CCDC7: variants seen among roughly 807,000 people sequenced by gnomAD.
The protein encoded by CCDC7 is coiled-coil domain-containing protein 7.
In CCDC7, 183 loss-of-function variants were observed where a neutral mutation model predicts 196.9. That is an observed-to-expected ratio of 0.93 (90% CI 0.82 to 1.05). CCDC7 has a LOEUF of 1.05. Among genes scored for constraint, CCDC7 ranks in the 50% least tolerant of loss-of-function variants. The probability of loss-of-function intolerance (pLI) is 0.00; values close to 1 mark genes in which losing one functional copy is unlikely to be tolerated. For missense variants in CCDC7, 1,540 were observed against 1,482.2 expected, an observed-to-expected ratio of 1.04 and a Z score of -0.64; for synonymous variants, 525 against 484.6, an observed-to-expected ratio of 1.08 and a Z score of -1.10.
At chr10:32,505,980 A>G (rs1317858973) in intron 9 of CCDC7, among the ~76,000 whole-genome samples, 1 of 146,956 alleles carries the variant, frequency 6.8e-6, no homozygotes, top group East Asian at 2.1e-4. Flanking sequence ...GGCGCTCCTC[A>G]CTTCCCAGAC....
chr10:32,534,907 G>C (rs1206062796), intron 11 of CCDC7, among the ~76,000 whole-genome samples: 2 of 151,842 alleles, frequency 1.3e-5, no homozygotes, highest in Non-Finnish European at 2.9e-5. Flanking sequence ...GCTTCCTGAG[G>C]GTTAAAGCAA....
chr10:32,654,183 G>A (rs2069323223), intron 20 of CCDC7, among the ~76,000 whole-genome samples: 1 of 152,072 alleles, frequency 6.6e-6, no homozygotes, highest in Admixed American at 6.6e-5. Context: ...TTTATATCAT[G>A]CTATTGATTT....
intron 30 of CCDC7, among the ~76,000 whole-genome samples, chr10:32,813,369 A>G (rs1460676013): frequency 2.6e-5 from 4 of 152,228 alleles, no homozygotes; most frequent in Non-Finnish European, 5.9e-5. Flanking sequence ...AACGGATCCA[A>G]TAACAATTCT....
chr10:32,734,810 T>C (rs868417988), intron 28 of CCDC7, among the ~76,000 whole-genome samples: 104 of 152,044 alleles, frequency 6.8e-4, no homozygotes, highest in African/African-American at 2.2e-3. Flanking sequence ...GGCAGGAGAA[T>C]TGCTTGAACC....
At chr10:32,737,405 T>C (rs1416326340) in intron 28 of CCDC7, among the ~76,000 whole-genome samples, 1 of 152,192 alleles carries the variant, frequency 6.6e-6, no homozygotes, top group East Asian at 1.9e-4. Context: ...GTGTGACTTT[T>C]GTTCTTTTAA....
chr10:32,849,114 G>GT (rs76259220), intron 39 of CCDC7, among the ~76,000 whole-genome samples: 11,087 of 127,844 alleles, frequency 0.087, 1,051 homozygotes, highest in African/African-American at 0.25. Flanking sequence ...GCTGGGTTTT[G>GT]TTTTTTTTTT....
chr10:32,540,424 G>A (rs1420978060), intron 11 of CCDC7, among the ~76,000 whole-genome samples: 1 of 152,146 alleles, frequency 6.6e-6, no homozygotes, highest in Non-Finnish European at 1.5e-5. Context: ...CATTGCCTGT[G>A]AGATGGATCT....
intron 28 of CCDC7, among the ~76,000 whole-genome samples, chr10:32,759,558 T>G (rs2077076175): frequency 6.6e-6 from 1 of 152,192 alleles, no homozygotes; most frequent in Admixed American, 6.5e-5. Context: ...AAGCTGAAAC[T>G]GGATCCCTTC....
At chr10:32,574,410 A>G in intron 16 of CCDC7, 1 of 1,564,686 alleles carries the variant, frequency 6.4e-7, no homozygotes, top group Non-Finnish European at 8.6e-7. Flanking sequence ...ATCAACCTTC[A>G]TTTTGGGTTA....
chr10:32,715,081 G>C (rs1240900630), intron 25 of CCDC7, among the ~76,000 whole-genome samples: 1 of 152,222 alleles, frequency 6.6e-6, no homozygotes, highest in Non-Finnish European at 1.5e-5. Context: ...GTGGGTCCCT[G>C]ACCCCAGTGC....
At chr10:32,450,366 A>C (rs984694159), upstream of CCDC7, among the ~76,000 whole-genome samples, 3 of 152,188 alleles carry the variant, frequency 2.0e-5, no homozygotes, top group Admixed American at 6.5e-5. Context: ...ACTTTGTCAT[A>C]TCTGCAAAGA....
chr10:32,877,259 C>T (rs1057431014), downstream of CCDC7: 2 of 151,844 alleles, frequency 1.3e-5, no homozygotes, highest in African/African-American at 4.8e-5. Flanking sequence ...CATAATGAAA[C>T]TGTCAAGAGA....
intron 20 of CCDC7, among the ~76,000 whole-genome samples, chr10:32,641,430 C>G (rs1442250102): frequency 6.6e-6 from 1 of 152,206 alleles, no homozygotes; most frequent in South Asian, 2.1e-4. Context: ...ACCCTTTCTT[C>G]TAGTTGATCG....
At chr10:32,770,208 G>A (rs559601094) in intron 28 of CCDC7, among the ~76,000 whole-genome samples, 131 of 152,170 alleles carry the variant, frequency 8.6e-4, no homozygotes, top group African/African-American at 3.1e-3. Flanking sequence ...GAGCAACGTT[G>A]GGTTGTTAAC....
chr10:32,527,082 C>T (rs774727120), intron 11 of CCDC7, among the ~76,000 whole-genome samples: 10 of 152,152 alleles, frequency 6.6e-5, no homozygotes, highest in Non-Finnish European at 8.8e-5. Context: ...AACTCAAGCT[C>T]GGCCACTAGT....
chr10:32,703,448 T>C (rs2079118242), intron 24 of CCDC7, among the ~76,000 whole-genome samples: 1 of 151,822 alleles, frequency 6.6e-6, no homozygotes, highest in Non-Finnish European at 1.5e-5. Flanking sequence ...GCCCTTAATA[T>C]TTTTTCCTTC....
Position 32,706,863 on chromosome 10 carries a change from G to A in CCDC7, c.2459-4757G>A, listed in dbSNP as rs538367259. Among the ~76,000 whole-genome samples, 228 of 152,298 alleles carry A rather than the reference G, an allele frequency of 1.5e-3. 2 individuals carry two copies. Among genetic ancestry groups the A allele is most frequent in the African/African-American group, 5.2e-3 (216 of 41,552 alleles). On this transcript the variant is annotated intron_variant, in intron 24 of 41. Coordinates refer to ENST00000639629, the Ensembl canonical transcript of CCDC7. ...AACCAAAAAAGGTCCAGGACCTGAT[G>A]GATTTACAGCCGAATTCTACCAGAG...
At chr10:32,448,450 C>T (rs1244914179), upstream of CCDC7, among the ~76,000 whole-genome samples, 1 of 151,942 alleles carries the variant, frequency 6.6e-6, no homozygotes, top group Non-Finnish European at 1.5e-5. Context: ...ATTACATCAA[C>T]AATTGTTATC....
At chr10:32,583,785 A>G (rs377670144) in intron 17 of CCDC7, among the ~76,000 whole-genome samples, 1 of 152,124 alleles carries the variant, frequency 6.6e-6, no homozygotes, top group Non-Finnish European at 1.5e-5. Context: ...AAAAAGGGAA[A>G]AGATAAAAGG....
Sources: gnomAD v4.1 joint callset for allele counts (sites outside exome capture counted in the v4.1 genomes callset) on GRCh38, gnomAD v4.1.1 for gene constraint, MANE v1.5 for transcripts, NCBI Gene and HGNC (gene_info 2026-07-23, HGNC 2026-07-21) for gene names.